The following ACOT11 variants were observed in gnomAD, a reference collection of about 807,000 sequenced individuals.
The protein encoded by ACOT11 is acyl-coenzyme A thioesterase 11.
A neutral mutation model predicts 77.5 loss-of-function variants in ACOT11; 69 were observed. The observed-to-expected ratio is 0.89, with a 90% CI of 0.73 to 1.09. The LOEUF is 1.09. ACOT11 is among the 50% of genes least tolerant of loss of function. The probability of loss-of-function intolerance (pLI) is 0.00; values close to 1 mark genes in which losing one functional copy is unlikely to be tolerated. For missense variants in ACOT11, 766 were observed against 813.7 expected, an observed-to-expected ratio of 0.94 and a Z score of 0.71; for synonymous variants, 279 against 313.0, an observed-to-expected ratio of 0.89 and a Z score of 1.15.
intron 3 of ACOT11, among the ~76,000 whole-genome samples, chr1:54,589,676 G>A (rs1654636504): frequency 6.6e-6 from 1 of 151,962 alleles, no homozygotes; most frequent in Non-Finnish European, 1.5e-5. Flanking sequence ...TTGTAGAGAT[G>A]AGGTCTCGCT....
intron 15 of ACOT11, among the ~76,000 whole-genome samples, chr1:54,608,400 A>G (rs1644059277): frequency 6.6e-6 from 1 of 151,988 alleles, no homozygotes; most frequent in Non-Finnish European, 1.5e-5. Context: ...GGGCCCATAA[A>G]ACCCAGCAGC....
At chr1:54,594,785 G>C (rs746978387) in intron 6 of ACOT11, 94 bp downstream of exon 6, 6 of 1,497,264 alleles carry the variant, frequency 4.0e-6, no homozygotes, top group African/African-American at 1.4e-5. Flanking sequence ...AGGAAGGGAG[G>C]CTCCGGGGAC....
chr1:54,601,198 TG>T, intron 8 of ACOT11, 70 bp from the exon 9 acceptor site: 1 of 1,550,572 alleles, frequency 6.4e-7, no homozygotes, highest in Non-Finnish European at 8.7e-7. Flanking sequence ...TGTGTGAGTG[TG>T]TGTGTTGGGG....
At chr1:54,567,663 C>T (rs565821113) in intron 1 of ACOT11, among the ~76,000 whole-genome samples, 6 of 152,200 alleles carry the variant, frequency 3.9e-5, no homozygotes, top group Non-Finnish European at 8.8e-5. Context: ...CCTCCCTCTA[C>T]ACTGCCCGCA....
At chr1:54,604,552 G>A (rs892302856) in intron 12 of ACOT11, 123 bp downstream of exon 12, 3 of 945,786 alleles carry the variant, frequency 3.2e-6, no homozygotes, top group Admixed American at 4.4e-5. Context: ...AATTGGGTGA[G>A]ATCAAGAAAC....
At chr1:54,608,405 A>T (rs1644059429) in intron 15 of ACOT11, among the ~76,000 whole-genome samples, 1 of 152,128 alleles carries the variant, frequency 6.6e-6, no homozygotes, top group Non-Finnish European at 1.5e-5. Context: ...CATAAAACCC[A>T]GCAGCGCAGT....
At chr1:54,563,038 T>C (rs1174695847) in intron 1 of ACOT11, among the ~76,000 whole-genome samples, 1 of 150,598 alleles carries the variant, frequency 6.6e-6, no homozygotes, top group Non-Finnish European at 1.5e-5. Context: ...CTCGGCACTT[T>C]GGGAGGCCAA....
chr1:54,631,599 C>T (rs905966295), intron 16 of ACOT11, among the ~76,000 whole-genome samples: 4 of 152,086 alleles, frequency 2.6e-5, no homozygotes, highest in Admixed American at 6.5e-5. Context: ...CGGGGGTTGG[C>T]GGCTGGGCTG....
At chr1:54,604,686 C>T (rs1370693038) in intron 12 of ACOT11, among the ~76,000 whole-genome samples, 1 of 152,162 alleles carries the variant, frequency 6.6e-6, no homozygotes, top group African/African-American at 2.4e-5. Context: ...TCTGACCAGG[C>T]ACTTCCTCCC....
At chr1:54,572,121 C>G (rs1245360639) in intron 1 of ACOT11, among the ~76,000 whole-genome samples, 4 of 151,922 alleles carry the variant, frequency 2.6e-5, no homozygotes, top group Non-Finnish European at 5.9e-5. Flanking sequence ...TCTGCTTGCT[C>G]TGTTCCCTGC....
chr1:54,591,906 T>C (rs542056799), intron 3 of ACOT11, among the ~76,000 whole-genome samples: 10 of 152,272 alleles, frequency 6.6e-5, no homozygotes, highest in African/African-American at 2.4e-4. Context: ...CCAATGGCAG[T>C]GCACAGTGCC....
chr1:54,598,224 A>G lies in ACOT11; in HGVS notation c.764+809A>G, dbSNP rs906823582. 1.0e-4 allele frequency: 16 copies of G among 152,520 alleles called. No homozygotes were observed. In the East Asian group the frequency reaches 1.3e-3, roughly 13 times the overall value. The allele number at this position is 152,520 out of a possible 1,614,324, so 9.4% of individuals were successfully genotyped here. ...AAGATCCTGGAGGAGCCTGATGGTC[A>G]GGGAAGGCTGCCTGAAGGAAGAGCA... On this transcript the variant is annotated intron_variant, in intron 7 of 15. Coordinates refer to ENST00000343744, the MANE Select transcript of ACOT11 (RefSeq NM_147161.4).
chr1:54,592,882 C>T (rs935673657), intron 4 of ACOT11, among the ~76,000 whole-genome samples: 1 of 152,192 alleles, frequency 6.6e-6, no homozygotes, highest in African/African-American at 2.4e-5. Flanking sequence ...GACTTCCAGG[C>T]CCCTGAGTCT....
rs1422890964 is a variant in ACOT11 at position 54,584,060 on chromosome 1, C to A, written c.34-595C>A. Among the ~76,000 whole-genome samples, 3 of 152,264 alleles carry A rather than the reference C, an allele frequency of 2.0e-5. No homozygotes were observed. Among genetic ancestry groups the A allele is most frequent in the Admixed American group, 2.0e-4 (3 of 15,298 alleles). On this transcript the variant is annotated intron_variant, in intron 1 of 15. Coordinates refer to ENST00000343744, the MANE Select transcript of ACOT11 (RefSeq NM_147161.4). This position sits in a 1 kb window ranked among gnomAD's most constrained non-coding sequence, Gnocchi z 6.3. Reference sequence around the variant, plus strand: ...TCCAGCTGGCAGCTGTTGTACCCAGCCCTGGATCAGACAGCTGGTCTGTGA... The same window carrying A: ...TCCAGCTGGCAGCTGTTGTACCCAGACCTGGATCAGACAGCTGGTCTGTGA...
At chr1:54,620,689 A>G (rs1220927306) in intron 15 of ACOT11, among the ~76,000 whole-genome samples, 1 of 150,078 alleles carries the variant, frequency 6.7e-6, no homozygotes, top group Admixed American at 6.6e-5. Context: ...TACTACACAT[A>G]CAAAAATTAG....
At chr1:54,556,434 T>C (rs1179927502) in intron 1 of ACOT11, among the ~76,000 whole-genome samples, 1 of 152,214 alleles carries the variant, frequency 6.6e-6, no homozygotes, top group Non-Finnish European at 1.5e-5. Context: ...AAGAATGTCA[T>C]TGGCACTTTG....
rs1464780729 is a variant in ACOT11 at position 54,601,322 on chromosome 1, G to A, written c.938G>A (p.Arg313Gln). The A allele has an allele frequency of 2.2e-5, 35 of 1,613,298 alleles. No homozygotes were observed. Among genetic ancestry groups the A allele is most frequent in the East Asian group, 8.9e-5 (4 of 44,880 alleles). Residue 313 changes from arginine to glutamine, a missense_variant, in exon 9 of 16, where the codon CGG (arginine) becomes CAG (glutamine). Arg to Gln is a conservative substitution (Grantham distance 43). Transcript: ENST00000343744. ...TATCGCCAGGAGGCTGAGACCCACC[G>A]GCGCCACATCAACAGTGCCTTTATG... The part of the protein sequence containing the change: ...EAYRQEAETH[R>Q]RHINSAFMTF...
At chr1:54,616,310 C>T in intron 15 of ACOT11, 1 of 753,052 alleles carries the variant, frequency 1.3e-6, no homozygotes, top group Non-Finnish European at 2.1e-6. Context: ...CCCACACTTC[C>T]ATCATAGTTT....
chr1:54,616,529 A>G (rs1284648218), intron 15 of ACOT11, among the ~76,000 whole-genome samples: 1 of 151,916 alleles, frequency 6.6e-6, no homozygotes, highest in African/African-American at 2.4e-5. Context: ...GTGTGCCACC[A>G]TGCCTAGCTA....
Sources: gnomAD v4.1 joint callset for allele counts (sites outside exome capture counted in the v4.1 genomes callset) on GRCh38, gnomAD v4.1.1 for gene constraint, Gnocchi (gnomAD v3.1) non-coding constraint, MANE v1.5 for transcripts, NCBI Gene and HGNC (gene_info 2026-07-23, HGNC 2026-07-21) for gene names.